The following PLEKHA3 variants were observed in gnomAD, a reference collection of about 807,000 sequenced individuals.
PLEKHA3 encodes the protein pleckstrin homology domain-containing family A member 3.
In PLEKHA3, 19 loss-of-function variants were observed where a neutral mutation model predicts 39.2. The ratio of observed to expected loss-of-function variants is 0.48; its 90% CI spans 0.34 to 0.71. PLEKHA3 has a LOEUF of 0.71. PLEKHA3 is among the 30% of genes least tolerant of loss of function. PLEKHA3 has a pLI of 0.01. For missense variants in PLEKHA3, 253 were observed against 359.5 expected (o/e 0.70, Z 2.40); for synonymous variants, 97 against 118.6 (o/e 0.82, Z 1.18).
At chr2:178,482,368 A>G (rs1685180795) in intron 1 of PLEKHA3, among the ~76,000 whole-genome samples, 1 of 151,898 alleles carries the variant, frequency 6.6e-6, no homozygotes, top group Non-Finnish European at 1.5e-5. Context: ...CTCTACTAAA[A>G]AAACAAAAAC....
chr2:178,495,429 G>A (rs1163724747), intron 4 of PLEKHA3, 67 bp from the exon 5 acceptor site: 6 of 1,412,596 alleles, frequency 4.2e-6, no homozygotes, highest in Middle Eastern at 1.9e-4. Context: ...ATTATTTAAT[G>A]ATAAGGTTGT....
Position 178,515,467 on chromosome 2 carries a change from T to C in PLEKHA3, c.*11580T>C, listed in dbSNP as rs1182559995. 3 of 152,202 alleles carry C rather than the reference T, an allele frequency of 2.0e-5. No individual in the cohort carries two copies. The highest frequency in any genetic ancestry group is 7.2e-5 in the African/African-American group (3 of 41,466). 9.4% of individuals were successfully genotyped at this position (152,202 alleles called of 1,614,324 possible). On this transcript the variant is annotated 3_prime_UTR_variant, in exon 8 of 8. Transcript: ENST00000234453. ...ACTTTATCTTTTTCTCCAGTTTTGA[T>C]AGATGATTATAGAGTTCCCCAAAAT...
Position 178,501,081 on chromosome 2 carries a change from A to T in PLEKHA3, c.680A>T (p.Glu227Val). 1 of 1,612,832 alleles carries T rather than the reference A, an allele frequency of 6.2e-7. No homozygotes were observed. Among genetic ancestry groups the T allele is most frequent in the South Asian group, 1.1e-5 (1 of 90,976 alleles). The change falls in exon 7 of 8, where the codon GAA (glutamate) becomes GTA (valine). Residue 227 changes from glutamate to valine, a missense_variant. Glu to Val is a moderately radical substitution (Grantham distance 121, BLOSUM62 -2). Coordinates refer to ENST00000234453, the MANE Select transcript of PLEKHA3 (RefSeq NM_019091.4). ...SSERSSHSIK[E>V]PVSTLHRLSQ... Reference sequence around the variant, plus strand: ...TGCAGGAGTAGCCACTCTATAAAAGAACCAGTATCTACACTTCACCGACTC... The same window carrying T: ...TGCAGGAGTAGCCACTCTATAAAAGTACCAGTATCTACACTTCACCGACTC...
At position 178,499,380 on chromosome 2, in the gene PLEKHA3, A is replaced by G. The variant is rs377543346; in HGVS notation, c.659+126A>G. On this transcript the variant is annotated intron_variant, in intron 6 of 7. Coordinates refer to ENST00000234453, the MANE Select transcript of PLEKHA3 (RefSeq NM_019091.4). ...GGGTTAGGTCTGGTTCAAAACCAGC[A>G]TTTTATCTCTCAGTATTTATCTCCT... 1.4e-5 allele frequency: 11 copies of G among 799,716 alleles called. No homozygotes were observed. The African/African-American group carries it at 1.6e-4, about 12-fold the overall frequency. The allele number at this position is 799,716 out of a possible 1,614,324, so 49.5% of individuals were successfully genotyped here.
At chr2:178,502,277 T>C in intron 7 of PLEKHA3, 1 of 196,230 alleles carries the variant, frequency 5.1e-6, no homozygotes, top group South Asian at 8.6e-5. Flanking sequence ...GAATTAATCA[T>C]CTATTTATTA....
At chr2:178,482,908 G>A (rs1307907219) in intron 1 of PLEKHA3, among the ~76,000 whole-genome samples, 1 of 152,114 alleles carries the variant, frequency 6.6e-6, no homozygotes, top group Non-Finnish European at 1.5e-5. Flanking sequence ...ATTAATTTTA[G>A]TTCATCTTAG....
intron 2 of PLEKHA3, among the ~76,000 whole-genome samples, chr2:178,489,750 T>TCC (rs1474381106): frequency 6.6e-6 from 1 of 152,206 alleles, no homozygotes; most frequent in Admixed American, 6.5e-5. Flanking sequence ...TTCTTCTCAT[T>TCC]CATTTTCTTA....
At chr2:178,487,189 G>A (rs1186978727) in intron 2 of PLEKHA3, among the ~76,000 whole-genome samples, 5 of 152,154 alleles carry the variant, frequency 3.3e-5, no homozygotes, top group Non-Finnish European at 5.9e-5. Context: ...CTGAAGGCAG[G>A]CTGAGGCCAG....
Position 178,508,050 on chromosome 2 carries a change from GGTGTGTGTGTGT to G in PLEKHA3, c.*4191_*4202del, listed in dbSNP as rs71023446. The G allele has an allele frequency of 6.4e-4, 91 of 142,462 alleles. 1 individual carries two copies. In the East Asian group the frequency reaches 7.3e-3, roughly 11 times the overall value. 8.8% of individuals were successfully genotyped at this position (142,462 alleles called of 1,614,324 possible). ...TAGAGATTTGTCTGCTTCAGTTCTG[GGTGTGTGTGTGT>G]GTGTGTGTGTGTGTGTGTGTGTGTG... On this transcript the variant is annotated 3_prime_UTR_variant, in exon 8 of 8. Coordinates refer to ENST00000234453, the MANE Select transcript of PLEKHA3 (RefSeq NM_019091.4).
At chr2:178,491,230 C>G (rs113579236) in intron 3 of PLEKHA3, among the ~76,000 whole-genome samples, 3,089 of 152,128 alleles carry the variant, frequency 0.02, 101 homozygotes, top group African/African-American at 0.069. Context: ...AAGCTGGTCT[C>G]GAATTCCCGA....
At position 178,516,361 on chromosome 2, in the gene PLEKHA3, C is replaced by T. The variant is rs1179212867; in HGVS notation, c.*12474C>T. On this transcript the variant is annotated 3_prime_UTR_variant, in exon 8 of 8. Coordinates refer to ENST00000234453, the MANE Select transcript of PLEKHA3 (RefSeq NM_019091.4). ...ATTTTGTGAGTATTTTTTTCTTTTC[C>T]AAATTCCAAAAGGTGTATACTCTAT... 1.3e-5 allele frequency: 2 copies of T among 151,348 alleles called. No individual in the cohort carries two copies. The highest frequency in any genetic ancestry group is 4.9e-5 in the African/African-American group (2 of 41,182). The allele number at this position is 151,348 out of a possible 1,614,324, so 9.4% of individuals were successfully genotyped here. A position where few individuals can be genotyped will look rare whatever the true frequency, so the allele number is the denominator to read the frequency against.
chr2:178,494,949 A>G, intron 4 of PLEKHA3, among the ~76,000 whole-genome samples: 1 of 151,726 alleles, frequency 6.6e-6, no homozygotes, highest in Non-Finnish European at 1.5e-5. Flanking sequence ...AAACTAGGAA[A>G]AAATGAGCAT....
rs1026232613 is a variant in PLEKHA3, at chr2:178,516,358, T to C, written c.*12471T>C. ...CTTATTTTGTGAGTATTTTTTTCTT[T>C]TCCAAATTCCAAAAGGTGTATACTC... On this transcript the variant is annotated 3_prime_UTR_variant, in exon 8 of 8. Transcript: ENST00000234453. 2.0e-5 allele frequency: 3 copies of C among 152,194 alleles called. No individual in the cohort carries two copies. Among genetic ancestry groups the C allele is most frequent in the Non-Finnish European group, 2.9e-5 (2 of 68,028 alleles). 9.4% of individuals were successfully genotyped at this position (152,194 alleles called of 1,614,324 possible).
chr2:178,512,725 A>G lies in PLEKHA3; in HGVS notation c.*8838A>G, dbSNP rs1415335255. On this transcript the variant is annotated 3_prime_UTR_variant, in exon 8 of 8. Transcript: ENST00000234453. ...TGTAATGAAAGGAGATGTTCTAGGAAAACTTTTCAGTCCCGCTCAGTGCTG... is the reference window on the plus strand; with the variant it reads ...TGTAATGAAAGGAGATGTTCTAGGAGAACTTTTCAGTCCCGCTCAGTGCTG... 2 of 153,766 alleles carry G rather than the reference A, an allele frequency of 1.3e-5. No homozygotes were observed. The highest frequency in any genetic ancestry group is 2.9e-5 in the Non-Finnish European group (2 of 68,046). 9.5% of individuals were successfully genotyped at this position (153,766 alleles called of 1,614,324 possible). A position where few individuals can be genotyped will look rare whatever the true frequency, so the allele number is the denominator to read the frequency against.
At chr2:178,499,366 G>C in intron 6 of PLEKHA3, 112 bp downstream of exon 6, 1 of 990,408 alleles carries the variant, frequency 1.0e-6, no homozygotes, top group Non-Finnish European at 1.5e-6. Context: ...GGTTAGGTCT[G>C]GTTCAAAACC....
rs1685698457 is a variant in PLEKHA3, at chr2:178,512,141, G to A, written c.*8254G>A. ...GTATCCTGAAACATTAAGCCTTTAA[G>A]TTATCCCTTTATTTAGTATTTAAAT... On this transcript the variant is annotated 3_prime_UTR_variant, in exon 8 of 8. Transcript: ENST00000234453. The A allele has an allele frequency of 6.6e-6, 1 of 152,118 alleles. No individual in the cohort carries two copies. Among genetic ancestry groups the A allele is most frequent in the Non-Finnish European group, 1.5e-5 (1 of 68,018 alleles). 9.4% of individuals were successfully genotyped at this position (152,118 alleles called of 1,614,324 possible).
At chr2:178,481,650 A>G (rs1163697536) in intron 1 of PLEKHA3, among the ~76,000 whole-genome samples, 2 of 152,174 alleles carry the variant, frequency 1.3e-5, no homozygotes, top group South Asian at 2.1e-4. Flanking sequence ...AGCTCCTTAA[A>G]TTTGAGTTGT....
intron 2 of PLEKHA3, among the ~76,000 whole-genome samples, chr2:178,488,301 A>G (rs1381827312): frequency 6.6e-6 from 1 of 152,174 alleles, no homozygotes; most frequent in Non-Finnish European, 1.5e-5. Flanking sequence ...TGTTCATGAT[A>G]CCTTTTGAGG....
In PLEKHA3 at chr2:178,508,310, T is replaced by G. The variant is rs1685635094; in HGVS notation, c.*4423T>G. ...TATATTTTAATTTCTAAGAGGTCTT[T>G]TTTTTCTGTTTCATTTCATAAAAAC... On this transcript the variant is annotated 3_prime_UTR_variant, in exon 8 of 8. Transcript: ENST00000234453. 6.6e-6 allele frequency: 1 copy of G among 152,090 alleles called. No individual in the cohort carries two copies. The highest frequency in any genetic ancestry group is 6.5e-5 in the Admixed American group (1 of 15,274). 9.4% of individuals were successfully genotyped at this position (152,090 alleles called of 1,614,324 possible).
Sources: allele counts gnomAD v4.1 joint callset (sites outside exome capture counted in the v4.1 genomes callset), GRCh38; gene constraint gnomAD v4.1.1; transcripts MANE v1.5; gene names NCBI Gene and HGNC (gene_info 2026-07-23, HGNC 2026-07-21).